LTBP1: variants seen among roughly 807,000 people sequenced by gnomAD.
The protein encoded by LTBP1 is latent-transforming growth factor beta-binding protein 1.
LTBP1 carries 129 observed loss-of-function variants against 207.6 expected under a neutral mutation model. The ratio of observed to expected loss-of-function variants is 0.62; its 90% CI spans 0.54 to 0.72. LTBP1 has a LOEUF of 0.72. LTBP1 is among the 30% of genes least tolerant of loss of function. LTBP1 has a pLI of 0.00. For synonymous variants in LTBP1, 963 were observed against 833.7 expected (o/e 1.16, Z -2.67); for missense variants, 2,281 against 2,217.2 (o/e 1.03, Z -0.58).
intron 3 of LTBP1, among the ~76,000 whole-genome samples, chr2:33,057,888 G>A (rs140422913): frequency 0.039 from 5,946 of 152,358 alleles, 200 homozygotes; most frequent in Non-Finnish European, 0.066. Context: ...GTGCAGCGGC[G>A]GGCTGAAGGG....
chr2:33,312,870 AG>A (rs2094207958), intron 23 of LTBP1, among the ~76,000 whole-genome samples: 1 of 152,218 alleles, frequency 6.6e-6, no homozygotes, highest in South Asian at 2.1e-4. Flanking sequence ...GAGGGGTCTC[AG>A]GTAGCTATTA....
intron 19 of LTBP1, among the ~76,000 whole-genome samples, chr2:33,282,244 G>A (rs1381460455): frequency 1.3e-5 from 2 of 151,966 alleles, no homozygotes. Flanking sequence ...GCGTTGCTGA[G>A]GTCATGTATT....
At chr2:33,221,821 T>C (rs1234677305) in intron 8 of LTBP1, among the ~76,000 whole-genome samples, 4 of 152,082 alleles carry the variant, frequency 2.6e-5, no homozygotes, top group African/African-American at 9.7e-5. Flanking sequence ...TAGAAGAAAA[T>C]GTACAACAAT....
intron 9 of LTBP1, among the ~76,000 whole-genome samples, chr2:33,237,153 C>G (rs1361943673): frequency 4.6e-5 from 7 of 152,146 alleles, no homozygotes. Context: ...AAAATGTTTC[C>G]ACAGATGACC....
intron 24 of LTBP1, among the ~76,000 whole-genome samples, chr2:33,341,866 T>G (rs2094630054): frequency 6.6e-6 from 1 of 151,960 alleles, no homozygotes. Context: ...AGTTGTTACC[T>G]GATTTCATTA....
chr2:33,127,674 G>A (rs1025183729), intron 4 of LTBP1, among the ~76,000 whole-genome samples: 5 of 152,228 alleles, frequency 3.3e-5, no homozygotes, highest in Non-Finnish European at 7.3e-5. Flanking sequence ...CCAAAGGAAG[G>A]TGGGAAAAGT....
intron 3 of LTBP1, among the ~76,000 whole-genome samples, chr2:33,063,546 G>T (rs1173118825): frequency 6.6e-6 from 1 of 152,092 alleles, no homozygotes. Flanking sequence ...AATTTTAAAT[G>T]AATTAATATT....
chr2:33,089,167 A>G (rs1163495798), intron 3 of LTBP1, among the ~76,000 whole-genome samples: 4 of 151,368 alleles, frequency 2.6e-5, no homozygotes, highest in Non-Finnish European at 5.9e-5. Context: ...AAAAAAAAAA[A>G]AAAAAGAAAA....
chr2:33,279,792 C>T (rs1304649046), intron 18 of LTBP1, among the ~76,000 whole-genome samples: 1 of 152,164 alleles, frequency 6.6e-6, no homozygotes, highest in Non-Finnish European at 1.5e-5. Flanking sequence ...AGGCCAGGTC[C>T]TGCTAGTTGA....
chr2:33,358,631 A>C (rs955633742), intron 26 of LTBP1, among the ~76,000 whole-genome samples: 1 of 152,146 alleles, frequency 6.6e-6, no homozygotes, highest in African/African-American at 2.4e-5. Flanking sequence ...TTCTTTTAGC[A>C]CAAACCATAG....
At chr2:32,976,877 A>AG (rs1681875277) in intron 2 of LTBP1, among the ~76,000 whole-genome samples, 1 of 152,108 alleles carries the variant, frequency 6.6e-6, no homozygotes, top group Non-Finnish European at 1.5e-5. Context: ...CTTGGCTAGG[A>AG]GCCGTGAGGG....
chr2:33,322,263 C>T (rs902048677), intron 24 of LTBP1, among the ~76,000 whole-genome samples: 2 of 152,112 alleles, frequency 1.3e-5, no homozygotes, highest in Non-Finnish European at 2.9e-5. Context: ...AAAGTGAAGT[C>T]TGTGACTAGG....
chr2:33,090,917 G>A (rs2079048873), intron 3 of LTBP1, among the ~76,000 whole-genome samples: 1 of 152,220 alleles, frequency 6.6e-6, no homozygotes, highest in Non-Finnish European at 1.5e-5. Context: ...GCTAGCAGTT[G>A]GGGCAGAATG....
rs748738310 is a variant in LTBP1 at position 33,300,473 on chromosome 2, G to A, written c.3258G>A (p.Gly1086=). The change falls in exon 21 of 34, where the codon GGG becomes GGA. Residue 1086 remains glycine (G), a synonymous_variant. Coordinates refer to ENST00000404816, the MANE Select transcript of LTBP1 (RefSeq NM_206943.4). ...CAGATATTGATGAATGTCAGCAAGG[G>A]AATCTATGTGTAAACGGGCAGTGCA... is the stretch of plus-strand genomic sequence containing the variant. ...HCRDIDECQQ[G]NLCVNGQCKN... 6.2e-7 allele frequency: 1 copy of A among 1,613,562 alleles called. No homozygotes were observed.
chr2:33,354,465 AC>A (rs756650337), intron 26 of LTBP1, among the ~76,000 whole-genome samples: 1 of 152,058 alleles, frequency 6.6e-6, no homozygotes, highest in African/African-American at 2.4e-5. Context: ...TGAGGAAAAT[AC>A]GTTCATTTGT....
chr2:33,090,663 G>A (rs1007084927), intron 3 of LTBP1, among the ~76,000 whole-genome samples: 1 of 152,170 alleles, frequency 6.6e-6, no homozygotes, highest in Non-Finnish European at 1.5e-5. Flanking sequence ...GGCTAGAATA[G>A]GTCACGTTAC....
At chr2:33,359,969 G>A (rs534929714) in intron 26 of LTBP1, among the ~76,000 whole-genome samples, 5 of 152,326 alleles carry the variant, frequency 3.3e-5, no homozygotes, top group African/African-American at 1.2e-4. Context: ...ACACAGTTGA[G>A]CTGGGACTAG....
In LTBP1 at chr2:33,208,235, A is replaced by C; in HGVS notation, c.1702-9317A>C. Among the ~76,000 whole-genome samples, 2 of 152,248 alleles carry C rather than the reference A, an allele frequency of 1.3e-5. 1 individual carries two copies. The highest frequency in any genetic ancestry group is 1.3e-4 in the Admixed American group (2 of 15,286). Reference sequence around the variant, plus strand: ...GCATGGGTGGAATAATTTATGGGACATACCTGTACAGTGTAGGTTGATGGA... The same window carrying C: ...GCATGGGTGGAATAATTTATGGGACCTACCTGTACAGTGTAGGTTGATGGA... On this transcript the variant is annotated intron_variant, in intron 7 of 33. Transcript: ENST00000404816.
chr2:33,315,205 G>A lies in LTBP1; in HGVS notation c.3666G>A (p.Glu1222=), dbSNP rs2094250446. 6.2e-7 allele frequency: 1 copy of A among 1,613,688 alleles called. No individual in the cohort carries two copies. Among genetic ancestry groups the A allele is most frequent in the Non-Finnish European group, 8.5e-7 (1 of 1,179,868 alleles). Residue 1222 remains glutamate (E), a synonymous_variant, in exon 24 of 34, where the codon GAG becomes GAA. Transcript: ENST00000404816. The part of the protein sequence containing the change: ...CGPQGECLNT[E]GSFHCVCQQG... ...CGCAAGGGGAGTGCCTAAACACAGA[G>A]GGTTCTTTCCATTGTGTCTGCCAGC...
Sources: gnomAD v4.1 joint callset for allele counts (sites outside exome capture counted in the v4.1 genomes callset) on GRCh38, gnomAD v4.1.1 for gene constraint, MANE v1.5 for transcripts, NCBI Gene and HGNC (gene_info 2026-07-23, HGNC 2026-07-21) for gene names.